The following L3MBTL1 variants were observed in gnomAD, a reference collection of about 807,000 sequenced individuals.
L3MBTL1 encodes the protein lethal(3)malignant brain tumor-like protein 1.
In L3MBTL1, 75 loss-of-function variants were observed where a neutral mutation model predicts 105.3. The observed-to-expected ratio is 0.71, with a 90% CI of 0.59 to 0.86. The LOEUF (loss-of-function observed/expected upper bound fraction) is 0.86. Ranked by LOEUF, L3MBTL1 falls within the 40% of genes least tolerant of loss-of-function variation. The pLI, the probability that L3MBTL1 is intolerant of heterozygous loss-of-function variation, is 0.00. For missense variants in L3MBTL1, 1,069 were observed against 1,126.4 expected (o/e 0.95, Z 0.73); for synonymous variants, 452 against 436.2 (o/e 1.04, Z -0.45).
exon 19 of L3MBTL1, chr20:43,550,291 A>G (rs955720660): frequency 1.3e-5 from 2 of 152,332 alleles, no homozygotes; most frequent in East Asian, 3.9e-4. Flanking sequence ...ACAGCTTCTA[A>G]GGAGAGGGGC....
At chr20:43,539,864 G>A (rs550409334) in intron 19 of L3MBTL1, 2 of 523,394 alleles carry the variant, frequency 3.8e-6, no homozygotes, top group African/African-American at 3.8e-5. Context: ...CTCCAAGAGA[G>A]TATCCTTGCA....
rs976653948 is a variant in L3MBTL1, at chr20:43,533,202, A to G, written c.1437-140A>G. 11 of 757,924 alleles carry G rather than the reference A, an allele frequency of 1.5e-5. No individual in the cohort carries two copies. In the South Asian group the frequency reaches 1.9e-4, roughly 13 times the overall value. The allele number at this position is 757,924 out of a possible 1,614,324, so 46.9% of individuals were successfully genotyped here. ...GGTAGAGTTTGTAATTCATGTTGCA[A>G]TTTTCTAACTTTGTCCTTGCCATCT... On this transcript the variant is annotated intron_variant, in intron 12 of 21. Transcript: ENST00000418998.
chr20:43,526,486 C>G (rs907864881), intron 7 of L3MBTL1, among the ~76,000 whole-genome samples: 1 of 152,150 alleles, frequency 6.6e-6, no homozygotes, highest in Non-Finnish European at 1.5e-5. Context: ...ATATGTTATA[C>G]TCAGGACAAA....
At chr20:43,529,438 C>CT (rs2019212153) in intron 9 of L3MBTL1, 70 bp downstream of exon 9, 2 of 1,108,650 alleles carry the variant, frequency 1.8e-6, no homozygotes, top group Admixed American at 3.9e-5. Context: ...TTGCTGGGGA[C>CT]ATAGAAGGAA....
chr20:43,514,342 G>C lies in L3MBTL1; in HGVS notation c.360+281G>C, dbSNP rs1039562982. 63 of 1,179,418 alleles carry C rather than the reference G, an allele frequency of 5.3e-5. No homozygotes were observed. In the South Asian group the frequency reaches 9.1e-4, roughly 17 times the overall value. The allele number at this position is 1,179,418 out of a possible 1,614,324, so 73.1% of individuals were successfully genotyped here. On this transcript the variant is annotated intron_variant, in intron 3 of 21. Transcript: ENST00000418998. The stretch of plus-strand genomic sequence containing the variant: ...ACTGGGGCACCCTGAGTGGGCCTGT[G>C]TTAGTTTGGGGGCGTGGCTTAGAGT...
intron 1 of L3MBTL1, among the ~76,000 whole-genome samples, chr20:43,509,516 C>G (rs755547334): frequency 6.6e-6 from 1 of 152,204 alleles, no homozygotes; most frequent in Non-Finnish European, 1.5e-5. Flanking sequence ...CATGAGCCAC[C>G]AGGCCTCGCC....
intron 7 of L3MBTL1, among the ~76,000 whole-genome samples, chr20:43,527,722 C>CTTT (rs113455397): frequency 1.4e-5 from 2 of 141,838 alleles, no homozygotes; most frequent in Non-Finnish European, 1.6e-5. Context: ...AAAAGTGTTT[C>CTTT]TTTTTTTTTT....
At chr20:43,514,513 A>G (rs765949414) in intron 3 of L3MBTL1, 122 bp from the exon 4 acceptor site, 2 of 1,551,190 alleles carry the variant, frequency 1.3e-6, no homozygotes, top group Non-Finnish European at 1.7e-6. Context: ...CCTGGCGTGG[A>G]GTCTTGAGGC....
Position 43,541,279 on chromosome 20 carries a change from G to A in L3MBTL1, c.*151G>A, listed in dbSNP as rs2019903734. 1 of 1,391,444 alleles carries A rather than the reference G, an allele frequency of 7.2e-7. No homozygotes were observed. The allele number at this position is 1,391,444 out of a possible 1,614,324, so 86.2% of individuals were successfully genotyped here. On this transcript the variant is annotated 3_prime_UTR_variant, in exon 22 of 22. Coordinates refer to ENST00000418998, the MANE Select transcript of L3MBTL1 (RefSeq NM_001377303.1). ...AGTTGTAGATAAAAAAAGAATGTCAGCTTTGGAGACAGTCTGGGTTTAAAT... is the reference window on the plus strand; with the variant it reads ...AGTTGTAGATAAAAAAAGAATGTCAACTTTGGAGACAGTCTGGGTTTAAAT...
chr20:43,536,531 A>T (rs911783968), intron 19 of L3MBTL1, 73 bp downstream of exon 19: 6 of 1,526,756 alleles, frequency 3.9e-6, no homozygotes, highest in Non-Finnish European at 1.8e-6. Flanking sequence ...CATTGGTGGG[A>T]TGAGACAGAT....
chr20:43,514,798 C>T, intron 4 of L3MBTL1, 22 bp downstream of exon 4: 1 of 1,532,012 alleles, frequency 6.5e-7, no homozygotes, highest in Non-Finnish European at 8.8e-7. Context: ...GCTCCCCAGG[C>T]CCTGAGCTGG....
intron 7 of L3MBTL1, among the ~76,000 whole-genome samples, chr20:43,520,470 G>A (rs1337757698): frequency 6.6e-6 from 1 of 152,154 alleles, no homozygotes; most frequent in Non-Finnish European, 1.5e-5. Context: ...TTGAGGAACT[G>A]TCACACTGTT....
At position 43,528,707 on chromosome 20, in the gene L3MBTL1, C is replaced by G; in HGVS notation, c.913C>G (p.Gln305Glu). Residue 305 changes from glutamine (Q) to glutamate (E), a missense_variant, in exon 8 of 22, where the codon CAG (glutamine) becomes GAG (glutamate). By Grantham distance (29) the Gln-to-Glu change is conservative. Coordinates refer to ENST00000418998, the MANE Select transcript of L3MBTL1 (RefSeq NM_001377303.1). Reference sequence around the variant, plus strand: ...GTCGTGGGAGTCCTACCTAGAGGAGCAGAAGGCCATTACTGCTCCAGTCAG... The same window carrying G: ...GTCGTGGGAGTCCTACCTAGAGGAGGAGAAGGCCATTACTGCTCCAGTCAG... ...CWSWESYLEE[Q>E]KAITAPVSLF... is the part of the protein sequence containing the mutation. 6.2e-7 allele frequency: 1 copy of G among 1,614,098 alleles called. No homozygotes were observed. The highest frequency in any genetic ancestry group is 8.5e-7 in the Non-Finnish European group (1 of 1,179,956).
chr20:43,540,088 A>G (rs566137676), intron 19 of L3MBTL1, 63 bp from the exon 20 acceptor site: 96 of 1,595,576 alleles, frequency 6.0e-5, no homozygotes, highest in Admixed American at 2.5e-4. Context: ...GTGGGTATGC[A>G]TGGGCTTCGG....
At chr20:43,510,248 C>T (rs958176856) in intron 1 of L3MBTL1, among the ~76,000 whole-genome samples, 2 of 151,958 alleles carry the variant, frequency 1.3e-5, no homozygotes, top group Non-Finnish European at 2.9e-5. Context: ...GATCCACCCA[C>T]CTTGGCCTCC....
chr20:43,526,719 G>T (rs1359913089), intron 7 of L3MBTL1, among the ~76,000 whole-genome samples: 1 of 152,210 alleles, frequency 6.6e-6, no homozygotes, highest in Non-Finnish European at 1.5e-5. Context: ...CAGCACTTTG[G>T]GAGGCCAAGG....
In L3MBTL1 at chr20:43,535,786, A is replaced by G. The variant is rs2055283486; in HGVS notation, c.1826-51A>G. On this transcript the variant is annotated intron_variant, in intron 16 of 21. Transcript: ENST00000418998. ...GGAAACTGCTCCTTCCGTGCCCCAC[A>G]CTCCCCACCCCCAGGACTCCATGAG... 8 of 1,246,590 alleles carry G rather than the reference A, an allele frequency of 6.4e-6. No homozygotes were observed. In the South Asian group the frequency reaches 7.1e-5, roughly 11 times the overall value. 77.2% of individuals were successfully genotyped at this position (1,246,590 alleles called of 1,614,324 possible).
chr20:43,540,134 C>T lies in L3MBTL1; in HGVS notation c.2174-17C>T. Reference sequence around the variant, plus strand: ...GTCATCCTCGTTGGCCTGCCAGCCTCTGCCTCTGCTTTCCAGCCCTCACGC... The same window carrying T: ...GTCATCCTCGTTGGCCTGCCAGCCTTTGCCTCTGCTTTCCAGCCCTCACGC... On this transcript the variant is annotated splice_polypyrimidine_tract_variant and intron_variant, in intron 19 of 21. Coordinates refer to ENST00000418998, the MANE Select transcript of L3MBTL1 (RefSeq NM_001377303.1). The T allele has an allele frequency of 6.2e-7, 1 of 1,609,588 alleles. No individual in the cohort carries two copies. The highest frequency in any genetic ancestry group is 1.3e-5 in the African/African-American group (1 of 75,050).
intron 7 of L3MBTL1, 144 bp downstream of exon 7, chr20:43,516,321 G>A (rs954085630): frequency 6.2e-6 from 4 of 643,286 alleles, no homozygotes; most frequent in Middle Eastern, 5.0e-4. Flanking sequence ...AAGAGAGAGA[G>A]ACAGTGAGAG....
Sources: gnomAD v4.1 joint callset for allele counts (sites outside exome capture counted in the v4.1 genomes callset) on GRCh38, gnomAD v4.1.1 for gene constraint, MANE v1.5 for transcripts, NCBI Gene and HGNC (gene_info 2026-07-23, HGNC 2026-07-21) for gene names.